Variants in SOX5 observed in about 807,000 individuals in gnomAD.
The protein encoded by SOX5 is SRY-box transcription factor 5, also known as transcription factor SOX-5.
Under a neutral mutation model 92.0 loss-of-function variants are expected in SOX5, and 9 were observed. The ratio of observed to expected loss-of-function variants is 0.10; its 90% CI spans 0.06 to 0.17. SOX5 has a LOEUF of 0.17. Among genes scored for constraint, SOX5 ranks in the 10% least tolerant of loss-of-function variants. SOX5 has a pLI of 1.00. For missense variants in SOX5, 642 were observed against 944.5 expected (o/e 0.68, Z 4.20); for synonymous variants, 344 against 336.3 (o/e 1.02, Z -0.25).
In SOX5 at chr12:23,778,786, T is replaced by C. The variant is rs568268107; in HGVS notation, c.482-23062A>G. Reference sequence around the variant, plus strand: ...AGAAAAAATGAGAGGAAAATTATCATGTCTTCTTCTTCATAAGAGAGTGGT... The same window carrying C: ...AGAAAAAATGAGAGGAAAATTATCACGTCTTCTTCTTCATAAGAGAGTGGT... On this transcript the variant is annotated intron_variant, in intron 3 of 14. Transcript: ENST00000451604. 5.9e-5 allele frequency among the ~76,000 whole-genome samples: 9 copies of C among 152,220 alleles called. No individual in the cohort carries two copies. The East Asian group carries it at 1.7e-3, about 29-fold the overall frequency.
At chr12:24,174,300 A>G (rs1954556239) in intron 4 of SOX5, among the ~76,000 whole-genome samples, 1 of 152,180 alleles carries the variant, frequency 6.6e-6, no homozygotes, top group African/African-American at 2.4e-5. Flanking sequence ...CACCCGGCAG[A>G]AATCTGAGTT....
chr12:23,995,566 C>A, intron 4 of SOX5, among the ~76,000 whole-genome samples: 1 of 152,032 alleles, frequency 6.6e-6, no homozygotes, highest in Non-Finnish European at 1.5e-5. Flanking sequence ...GGCATGGTGG[C>A]ACATGTGTGT....
chr12:24,509,808 C>T (rs564537373), intron 1 of SOX5, among the ~76,000 whole-genome samples: 81 of 152,170 alleles, frequency 5.3e-4, no homozygotes, highest in Admixed American at 2.6e-4. Context: ...TCCAGCGAAT[C>T]GGTTGCTTAC....
At chr12:24,410,241 G>C (rs76254208) in intron 1 of SOX5, among the ~76,000 whole-genome samples, 2 of 152,008 alleles carry the variant, frequency 1.3e-5, no homozygotes, top group Admixed American at 1.3e-4. Flanking sequence ...CAATTGATCC[G>C]CTTGCCTCGG....
At chr12:23,641,550 C>A (rs7315681) in intron 7 of SOX5, among the ~76,000 whole-genome samples, 2 of 151,864 alleles carry the variant, frequency 1.3e-5, no homozygotes, top group Non-Finnish European at 2.9e-5. Context: ...AAAAAGCACA[C>A]TAATTCAAAA....
intron 6 of SOX5, among the ~76,000 whole-genome samples, chr12:23,684,290 C>G (rs770399727): frequency 6.6e-6 from 1 of 151,982 alleles, no homozygotes; most frequent in Non-Finnish European, 1.5e-5. Context: ...AATTATTGTG[C>G]TGGGAACAGT....
Position 23,741,038 on chromosome 12 carries a change from C to A in SOX5, c.570G>T (p.Gly190=). ...MGSGNFGEIK[G]TPESLAEKER... ...CTTTCTCAGCTAAGCTCTCGGGAGT[C>A]CCTACAAATCATATAGCAATAAAAC... Residue 190 remains glycine (G), a splice_region_variant and synonymous_variant, in exon 5 of 15, where the codon GGG becomes GGT. Coordinates refer to ENST00000451604, the MANE Select transcript of SOX5 (RefSeq NM_006940.6). 6.4e-7 allele frequency: 1 copy of A among 1,572,776 alleles called. No homozygotes were observed. Among genetic ancestry groups the A allele is most frequent in the South Asian group, 1.2e-5 (1 of 86,642 alleles).
intron 1 of SOX5, among the ~76,000 whole-genome samples, chr12:24,528,540 T>C (rs1368827670): frequency 6.6e-6 from 1 of 152,030 alleles, no homozygotes; most frequent in Non-Finnish European, 1.5e-5. Context: ...CTCTCTAGAG[T>C]CCTTCATTTC....
intron 3 of SOX5, among the ~76,000 whole-genome samples, chr12:23,809,873 C>T (rs977841816): frequency 2.1e-4 from 32 of 150,750 alleles, no homozygotes; most frequent in African/African-American, 7.6e-4. Flanking sequence ...GCTTAGAATG[C>T]CACTAATGAA....
intron 6 of SOX5, among the ~76,000 whole-genome samples, chr12:23,731,340 G>C (rs1468940029): frequency 6.6e-6 from 1 of 152,128 alleles, no homozygotes; most frequent in East Asian, 1.9e-4. Flanking sequence ...CAATCACCCA[G>C]TAAGTCCCCT....
chr12:23,851,264 C>T (rs2096630662), intron 2 of SOX5, among the ~76,000 whole-genome samples: 1 of 152,032 alleles, frequency 6.6e-6, no homozygotes, highest in Non-Finnish European at 1.5e-5. Flanking sequence ...TCTTATTCAG[C>T]AATCATCTTG....
Position 23,864,230 on chromosome 12 carries a change from T to C in SOX5, c.271-18037A>G, listed in dbSNP as rs149215815. Among the ~76,000 whole-genome samples, 957 of 152,266 alleles carry C rather than the reference T, an allele frequency of 6.3e-3. 5 individuals are homozygous for C. Among genetic ancestry groups the C allele is most frequent in the Admixed American group, 0.011 (170 of 15,284 alleles). ...GTGAACTTAGTAAATGCTGTATGTG[T>C]TCTGACTACACCATTGACTGCTATT... On this transcript the variant is annotated intron_variant, in intron 2 of 14. Transcript: ENST00000451604.
At chr12:24,196,632 G>T (rs901891729) in intron 4 of SOX5, among the ~76,000 whole-genome samples, 1 of 152,126 alleles carries the variant, frequency 6.6e-6, no homozygotes, top group African/African-American at 2.4e-5. Flanking sequence ...GGCCAGGCAC[G>T]GTGGCTCATG....
chr12:24,463,033 C>T (rs1448328614), intron 1 of SOX5, among the ~76,000 whole-genome samples: 1 of 152,036 alleles, frequency 6.6e-6, no homozygotes, highest in Admixed American at 6.5e-5. Context: ...GCCTGGGTAA[C>T]ACAGTGAGAC....
At chr12:24,157,600 T>C (rs1320623468) in intron 4 of SOX5, among the ~76,000 whole-genome samples, 2 of 152,110 alleles carry the variant, frequency 1.3e-5, no homozygotes, top group East Asian at 3.8e-4. Context: ...ATTACAGTTA[T>C]CCTATGGGTC....
intron 4 of SOX5, among the ~76,000 whole-genome samples, chr12:24,211,482 C>G (rs12310347): frequency 6.6e-6 from 1 of 152,206 alleles, no homozygotes; most frequent in South Asian, 2.1e-4. Flanking sequence ...GGAAATGACT[C>G]TATCAAAAAC....
chr12:24,438,247 A>T (rs1939831737), intron 1 of SOX5, among the ~76,000 whole-genome samples: 1 of 152,146 alleles, frequency 6.6e-6, no homozygotes, highest in Non-Finnish European at 1.5e-5. Context: ...GCACATTGAC[A>T]CAGGGAGGGG....
intron 1 of SOX5, among the ~76,000 whole-genome samples, chr12:24,388,392 A>G (rs1451009005): frequency 6.6e-6 from 1 of 152,070 alleles, no homozygotes; most frequent in Non-Finnish European, 1.5e-5. Context: ...GAGATTAAAC[A>G]GTAGAAGAGT....
rs573390568 is a variant in SOX5 at position 23,691,180 on chromosome 12, T to A, written c.811-25616A>T. Among the ~76,000 whole-genome samples the A allele has an allele frequency of 4.6e-5, 7 of 152,258 alleles. No individual in the cohort carries two copies. In the South Asian group the frequency reaches 1.5e-3, roughly 32 times the overall value. Reference sequence around the variant, plus strand: ...AAGGCAAGGAGGCCAGATAGAAGGGTACTGAAATGACTATGTGAGGGAGAA... The same window carrying A: ...AAGGCAAGGAGGCCAGATAGAAGGGAACTGAAATGACTATGTGAGGGAGAA... On this transcript the variant is annotated intron_variant, in intron 6 of 14. Coordinates refer to ENST00000451604, the MANE Select transcript of SOX5 (RefSeq NM_006940.6).
Sources: allele counts gnomAD v4.1 joint callset (sites outside exome capture counted in the v4.1 genomes callset), GRCh38; gene constraint gnomAD v4.1.1; transcripts MANE v1.5; gene names NCBI Gene and HGNC (gene_info 2026-07-23, HGNC 2026-07-21).